The following LMBRD2 variants were observed in gnomAD, a reference collection of about 807,000 sequenced individuals.
LMBRD2 encodes the protein LMBR1 domain containing 2.
In LMBRD2, 55 loss-of-function variants were observed where a neutral mutation model predicts 94.4. That is an observed-to-expected ratio of 0.58 (90% CI 0.47 to 0.73). The LOEUF is 0.73. Among genes scored for constraint, LMBRD2 ranks in the 30% least tolerant of loss-of-function variants. The probability of loss-of-function intolerance (pLI) is 0.00; values close to 1 mark genes in which losing one functional copy is unlikely to be tolerated. For missense variants in LMBRD2, 640 were observed against 831.9 expected (o/e 0.77, Z 2.84); for synonymous variants, 246 against 272.4 (o/e 0.90, Z 0.95).
chr5:36,120,589 A>G (rs934800731), intron 9 of LMBRD2, among the ~76,000 whole-genome samples: 1 of 152,064 alleles, frequency 6.6e-6, no homozygotes, highest in Non-Finnish European at 1.5e-5. Context: ...TACTAATTAC[A>G]TGTGATAATT....
At position 36,143,442 on chromosome 5, in the gene LMBRD2, A is replaced by T. The variant is rs913938903; in HGVS notation, c.-57-36T>A. ...AAAAGAAGGTTAAAATGCATCATTA[A>T]CACAGGAAATGACATTTGGAAATTT... On this transcript the variant is annotated intron_variant, in intron 1 of 17. Coordinates refer to ENST00000296603, the MANE Select transcript of LMBRD2 (RefSeq NM_001007527.2). 3.5e-5 allele frequency: 30 copies of T among 854,606 alleles called. No homozygotes were observed. In the African/African-American group the frequency reaches 4.7e-4, roughly 13 times the overall value. The allele number at this position is 854,606 out of a possible 1,614,324, so 52.9% of individuals were successfully genotyped here. A position where few individuals can be genotyped will look rare whatever the true frequency, so the allele number is the denominator to read the frequency against.
chr5:36,143,424 G>A lies in LMBRD2; in HGVS notation c.-57-18C>T. 1 of 1,076,872 alleles carries A rather than the reference G, an allele frequency of 9.3e-7. No homozygotes were observed. Among genetic ancestry groups the A allele is most frequent in the Non-Finnish European group, 1.3e-6 (1 of 756,912 alleles). 66.7% of individuals were successfully genotyped at this position (1,076,872 alleles called of 1,614,324 possible). A position where few individuals can be genotyped will look rare whatever the true frequency, so the allele number is the denominator to read the frequency against. On this transcript the variant is annotated intron_variant, in intron 1 of 17. Transcript: ENST00000296603. ...GACCATATCTATAAAGTAAAAAGAA[G>A]GTTAAAATGCATCATTAACACAGGA... is the stretch of plus-strand genomic sequence containing the variant.
At chr5:36,116,750 C>T (rs1743755031) in intron 10 of LMBRD2, among the ~76,000 whole-genome samples, 157 bp from the exon 11 acceptor site, 1 of 152,146 alleles carries the variant, frequency 6.6e-6, no homozygotes, top group African/African-American at 2.4e-5. Flanking sequence ...GATCTTGGCT[C>T]ACTGCAACCT....
chr5:36,120,311 G>A (rs1428899035), intron 9 of LMBRD2, among the ~76,000 whole-genome samples: 2 of 151,344 alleles, frequency 1.3e-5, no homozygotes, highest in Non-Finnish European at 2.9e-5. Flanking sequence ...CAGGTAGGCT[G>A]GAGTGCAGTG....
chr5:36,147,554 T>G (rs555274964), intron 1 of LMBRD2, among the ~76,000 whole-genome samples: 1 of 152,328 alleles, frequency 6.6e-6, no homozygotes, highest in African/African-American at 2.4e-5. Context: ...TCTGAAAGTC[T>G]TAAACATTTA....
Position 36,100,441 on chromosome 5 carries a change from C to T in LMBRD2, c.*3605G>A, listed in dbSNP as rs191704772. ...GTAGTCAGAACTAGTTCCTTCTGAG[C>T]GTACCACTCATCAAAAACAACTCTG... On this transcript the variant is annotated 3_prime_UTR_variant, in exon 18 of 18. Coordinates refer to ENST00000296603, the MANE Select transcript of LMBRD2 (RefSeq NM_001007527.2). 34 of 152,018 alleles carry T rather than the reference C, an allele frequency of 2.2e-4. No individual in the cohort carries two copies. Among genetic ancestry groups the T allele is most frequent in the Admixed American group, 5.9e-4 (9 of 15,258 alleles). 9.4% of individuals were successfully genotyped at this position (152,018 alleles called of 1,614,324 possible).
chr5:36,136,940 CA>C (rs988665161), intron 5 of LMBRD2, among the ~76,000 whole-genome samples: 1 of 151,174 alleles, frequency 6.6e-6, no homozygotes, highest in African/African-American at 2.4e-5. Flanking sequence ...ATAATCAAAA[CA>C]AAAAAAATCA....
chr5:36,121,161 C>G (rs1173802010), intron 9 of LMBRD2, among the ~76,000 whole-genome samples: 2 of 152,194 alleles, frequency 1.3e-5, no homozygotes, highest in Non-Finnish European at 2.9e-5. Flanking sequence ...TCTCACTCCA[C>G]AAGGGCAGGA....
At chr5:36,137,042 T>C (rs1744288326) in intron 5 of LMBRD2, among the ~76,000 whole-genome samples, 1 of 152,178 alleles carries the variant, frequency 6.6e-6, no homozygotes, top group African/African-American at 2.4e-5. Flanking sequence ...TTTTAATATA[T>C]AGCCATTAGA....
intron 13 of LMBRD2, among the ~76,000 whole-genome samples, chr5:36,112,678 T>C (rs964694608): frequency 2.0e-5 from 3 of 152,168 alleles, no homozygotes; most frequent in African/African-American, 7.2e-5. Flanking sequence ...CTTAACAATT[T>C]TGCTTTCGGA....
intron 16 of LMBRD2, among the ~76,000 whole-genome samples, chr5:36,106,758 C>T (rs914168275): frequency 6.6e-6 from 1 of 152,046 alleles, no homozygotes; most frequent in African/African-American, 2.4e-5. Flanking sequence ...GATCCACCCA[C>T]CTCAGCTTCA....
At chr5:36,147,849 A>T in intron 1 of LMBRD2, 1 of 422,256 alleles carries the variant, frequency 2.4e-6, no homozygotes, top group South Asian at 1.7e-5. Context: ...CAAAACACTG[A>T]CAACAATTTT....
chr5:36,122,510 GT>G (rs1743910694), intron 8 of LMBRD2, 47 bp from the exon 9 acceptor site: 1 of 1,477,320 alleles, frequency 6.8e-7, no homozygotes, highest in Non-Finnish European at 9.3e-7. Flanking sequence ...TGATCCAACA[GT>G]GGTTCAACTC....
intron 6 of LMBRD2, among the ~76,000 whole-genome samples, chr5:36,133,555 T>A (rs1397771749): frequency 8.6e-5 from 13 of 152,010 alleles, no homozygotes; most frequent in Non-Finnish European, 1.8e-4. Context: ...TGTACGAAAA[T>A]TTTTTAAAAC....
chr5:36,146,547 A>G (rs1006025757), intron 1 of LMBRD2, among the ~76,000 whole-genome samples: 1 of 152,076 alleles, frequency 6.6e-6, no homozygotes, highest in Non-Finnish European at 1.5e-5. Flanking sequence ...TTTTAAAAAA[A>G]AATTTTTTTT....
intron 2 of LMBRD2, 91 bp from the exon 3 acceptor site, chr5:36,142,690 A>G: frequency 1.4e-6 from 1 of 713,976 alleles, no homozygotes; most frequent in Non-Finnish European, 2.5e-6. Flanking sequence ...ATCTATCTAA[A>G]CTTACCTTCT....
intron 6 of LMBRD2, among the ~76,000 whole-genome samples, chr5:36,130,841 A>G (rs1414604607): frequency 6.6e-6 from 1 of 152,196 alleles, no homozygotes; most frequent in Non-Finnish European, 1.5e-5. Flanking sequence ...AATCAAAGTC[A>G]TAATAAAAAG....
At chr5:36,134,457 G>A (rs916073800) in intron 6 of LMBRD2, among the ~76,000 whole-genome samples, 8 of 152,030 alleles carry the variant, frequency 5.3e-5, no homozygotes, top group Admixed American at 3.9e-4. Context: ...GATCTTATTT[G>A]GAATAGGGTT....
At chr5:36,129,884 T>C (rs2111887473) in intron 6 of LMBRD2, among the ~76,000 whole-genome samples, 2 of 152,250 alleles carry the variant, frequency 1.3e-5, no homozygotes. Context: ...ATGTCCTTTG[T>C]AGGGACATGG....
Sources: gnomAD v4.1 joint callset for allele counts (sites outside exome capture counted in the v4.1 genomes callset) on GRCh38, gnomAD v4.1.1 for gene constraint, MANE v1.5 for transcripts, NCBI Gene and HGNC (gene_info 2026-07-23, HGNC 2026-07-21) for gene names.